The following ABHD17B variants were observed in gnomAD, a reference collection of about 807,000 sequenced individuals.
ABHD17B encodes abhydrolase domain containing 17B, depalmitoylase, also known as alpha/beta hydrolase domain-containing protein 17B.
Under a neutral mutation model 26.2 loss-of-function variants are expected in ABHD17B, and 9 were observed. That is an observed-to-expected ratio of 0.34 (90% CI 0.21 to 0.60). The LOEUF is 0.60. Among genes scored for constraint, ABHD17B ranks in the 20% least tolerant of loss-of-function variants. ABHD17B has a pLI of 0.80. For missense variants in ABHD17B, 224 were observed against 352.1 expected, an observed-to-expected ratio of 0.64 and a Z score of 2.91; for synonymous variants, 127 against 122.3, an observed-to-expected ratio of 1.04 and a Z score of -0.25.
chr9:71,885,793 A>G (rs1462763055), intron 1 of ABHD17B, among the ~76,000 whole-genome samples: 1 of 152,158 alleles, frequency 6.6e-6, no homozygotes, highest in East Asian at 1.9e-4. Context: ...TTTTTGACAT[A>G]ATAACAATTT....
downstream of ABHD17B, among the ~76,000 whole-genome samples, chr9:71,863,405 T>C (rs1281384415): frequency 6.6e-6 from 1 of 152,222 alleles, no homozygotes; most frequent in Non-Finnish European, 1.5e-5. Context: ...GTTGCAGATC[T>C]AGTCACTGTT....
chr9:71,885,460 C>CAAAA, intron 1 of ABHD17B, among the ~76,000 whole-genome samples: 1 of 123,974 alleles, frequency 8.1e-6, no homozygotes, highest in South Asian at 2.7e-4. Context: ...ACTCTGTCTC[C>CAAAA]AAAAAAAAAA....
In ABHD17B at chr9:71,866,475, C is replaced by T; in HGVS notation, c.*312G>A. On this transcript the variant is annotated 3_prime_UTR_variant, in exon 4 of 4. Transcript: ENST00000333421. ...TATTTATAAATTTGTTTCTAGTATG[C>T]AAAAGCATTTGGCAATACTTTTACA... 2 of 1,049,974 alleles carry T rather than the reference C, an allele frequency of 1.9e-6. No homozygotes were observed. The highest frequency in any genetic ancestry group is 7.7e-5 in the South Asian group (2 of 25,842). The allele number at this position is 1,049,974 out of a possible 1,614,324, so 65.0% of individuals were successfully genotyped here.
intron 1 of ABHD17B, among the ~76,000 whole-genome samples, chr9:71,885,267 A>G (rs2132165754): frequency 6.6e-6 from 1 of 152,154 alleles, no homozygotes; most frequent in East Asian, 1.9e-4. Context: ...CAACATGGTG[A>G]AACCCCATCT....
chr9:71,881,471 GA>G (rs59917751), intron 1 of ABHD17B, among the ~76,000 whole-genome samples: 26 of 150,306 alleles, frequency 1.7e-4, no homozygotes, highest in African/African-American at 5.9e-4. Context: ...AAGTAACAAA[GA>G]AAAAAAAATA....
intron 1 of ABHD17B, among the ~76,000 whole-genome samples, chr9:71,905,806 C>T (rs951768036): frequency 8.6e-5 from 13 of 152,032 alleles, no homozygotes; most frequent in African/African-American, 3.1e-4. Flanking sequence ...TGGGGTGCAG[C>T]GCCATGGTAG....
downstream of ABHD17B, among the ~76,000 whole-genome samples, chr9:71,863,178 A>T (rs1264053479): frequency 2.0e-5 from 3 of 152,216 alleles, no homozygotes; most frequent in East Asian, 5.8e-4. Context: ...GTTACTATCA[A>T]AATTGTACTA....
intron 1 of ABHD17B, among the ~76,000 whole-genome samples, chr9:71,884,418 A>G (rs1236732144): frequency 6.6e-6 from 1 of 152,208 alleles, no homozygotes; most frequent in Non-Finnish European, 1.5e-5. Flanking sequence ...GGATGCAGAT[A>G]ATAGAAAATT....
Position 71,866,573 on chromosome 9 carries a change from T to C in ABHD17B, c.*214A>G. On this transcript the variant is annotated 3_prime_UTR_variant, in exon 4 of 4. Transcript: ENST00000333421. ...GTTAAAAAAAAATTCACAGAAAAAATATAAATTACACAGCCTGACTGCACG... is the reference window on the plus strand; with the variant it reads ...GTTAAAAAAAAATTCACAGAAAAAACATAAATTACACAGCCTGACTGCACG... 1.5e-6 allele frequency: 2 copies of C among 1,352,488 alleles called. No individual in the cohort carries two copies. Among genetic ancestry groups the C allele is most frequent in the South Asian group, 1.9e-5 (1 of 51,420 alleles). The allele number at this position is 1,352,488 out of a possible 1,614,324, so 83.8% of individuals were successfully genotyped here. A position where few individuals can be genotyped will look rare whatever the true frequency, so the allele number is the denominator to read the frequency against.
intron 1 of ABHD17B, 130 bp from the exon 2 acceptor site, chr9:71,875,213 A>G: frequency 2.6e-6 from 2 of 763,792 alleles, no homozygotes; most frequent in Non-Finnish European, 4.0e-6. Context: ...GTATGATTCC[A>G]AACAGATTTT....
chr9:71,874,574 C>G lies in ABHD17B; in HGVS notation c.467+40G>C, dbSNP rs764859960. The G allele has an allele frequency of 8.7e-6, 13 of 1,488,558 alleles. No homozygotes were observed. The African/African-American group carries it at 1.8e-4, about 21-fold the overall frequency. 92.2% of individuals were successfully genotyped at this position (1,488,558 alleles called of 1,614,324 possible). On this transcript the variant is annotated intron_variant, in intron 2 of 3. Coordinates refer to ENST00000333421, the MANE Select transcript of ABHD17B (RefSeq NM_001025780.3). ...TCTTACACAAGATATTTTTAGCTAA[C>G]CACCACGAGTATGAAAAATAAATTC...
intron 1 of ABHD17B, among the ~76,000 whole-genome samples, chr9:71,896,412 T>C (rs1178675941): frequency 1.3e-5 from 2 of 152,196 alleles, no homozygotes; most frequent in African/African-American, 4.8e-5. Flanking sequence ...ATATCCCTAG[T>C]TCTGTCACCT....
intron 1 of ABHD17B, among the ~76,000 whole-genome samples, chr9:71,875,883 A>C (rs986561294): frequency 6.6e-6 from 1 of 152,176 alleles, no homozygotes; most frequent in Non-Finnish European, 1.5e-5. Context: ...TCTCAGAACA[A>C]CTGTGTAAGT....
intron 1 of ABHD17B, among the ~76,000 whole-genome samples, chr9:71,905,594 C>T (rs539658502): frequency 3.9e-5 from 6 of 152,270 alleles, no homozygotes; most frequent in South Asian, 4.1e-4. Flanking sequence ...GACATTCATA[C>T]GCTGTGATCT....
intron 1 of ABHD17B, among the ~76,000 whole-genome samples, chr9:71,898,137 G>C (rs559483500): frequency 3.3e-5 from 5 of 152,140 alleles, no homozygotes; most frequent in African/African-American, 1.2e-4. Flanking sequence ...AAAAAATTAA[G>C]GGCTATTTAA....
rs139959087 is a variant in ABHD17B at position 71,875,102 on chromosome 9, T to C, written c.-3-19A>G. 1.3e-6 allele frequency: 2 copies of C among 1,564,496 alleles called. No homozygotes were observed. The highest frequency in any genetic ancestry group is 1.4e-5 in the African/African-American group (1 of 73,884). ...TCATGCTCTGAAAAAGAAAAGGAGA[T>C]AGCAAATATTTTAATAACTGAATGT... On this transcript the variant is annotated intron_variant, in intron 1 of 3. Coordinates refer to ENST00000333421, the MANE Select transcript of ABHD17B (RefSeq NM_001025780.3).
intron 2 of ABHD17B, among the ~76,000 whole-genome samples, chr9:71,872,616 G>A (rs1826145477): frequency 6.6e-6 from 1 of 152,016 alleles, no homozygotes; most frequent in South Asian, 2.1e-4. Context: ...TTCCACTGAA[G>A]TTAACCTTTA....
At chr9:71,889,131 A>G (rs1412847326) in intron 1 of ABHD17B, among the ~76,000 whole-genome samples, 2 of 151,954 alleles carry the variant, frequency 1.3e-5, no homozygotes, top group East Asian at 1.9e-4. Flanking sequence ...CCCGGCCAAT[A>G]TAGTGAAACT....
At chr9:71,905,860 A>G (rs1827265875) in intron 1 of ABHD17B, among the ~76,000 whole-genome samples, 1 of 152,084 alleles carries the variant, frequency 6.6e-6, no homozygotes, top group Non-Finnish European at 1.5e-5. Context: ...CCTGGCCAAC[A>G]TGGTGAAATC....
Sources: allele counts gnomAD v4.1 joint callset (sites outside exome capture counted in the v4.1 genomes callset), GRCh38; gene constraint gnomAD v4.1.1; transcripts MANE v1.5; gene names NCBI Gene and HGNC (gene_info 2026-07-23, HGNC 2026-07-21).